HYDIN: variants seen among roughly 807,000 people sequenced by gnomAD.
HYDIN encodes axonemal central pair apparatus protein HYDIN.
A neutral mutation model predicts 403.9 loss-of-function variants in HYDIN; 132 were observed. The ratio of observed to expected loss-of-function variants is 0.33; its 90% CI spans 0.28 to 0.38. The LOEUF (loss-of-function observed/expected upper bound fraction) is 0.38. HYDIN is among the 10% of genes least tolerant of loss of function. The pLI, the probability that HYDIN is intolerant of heterozygous loss-of-function variation, is 1.00. For missense variants in HYDIN, 2,827 were observed against 5,009.5 expected (o/e 0.56, Z 13.15); for synonymous variants, 1,202 against 1,891.7 (o/e 0.64, Z 9.46).
intron 18 of HYDIN, among the ~76,000 whole-genome samples, chr16:71,046,620 T>C (rs1419629796): frequency 6.6e-6 from 1 of 152,230 alleles, no homozygotes; most frequent in Non-Finnish European, 1.5e-5. Flanking sequence ...ACTTCTTCAG[T>C]CTCTGTCCTT....
intron 1 of HYDIN, among the ~76,000 whole-genome samples, chr16:71,189,582 A>G (rs544361777): frequency 8.8e-4 from 134 of 152,206 alleles, no homozygotes; most frequent in Non-Finnish European, 1.5e-3. Context: ...CCTGGCTAAC[A>G]CAGTGAAACC....
At chr16:70,840,353 C>A (rs2037734055) in intron 75 of HYDIN, 120 bp from the exon 76 acceptor site, 1 of 762,616 alleles carries the variant, frequency 1.3e-6, no homozygotes, top group Non-Finnish European at 2.0e-6. Context: ...CTCAGGGTGC[C>A]ATTTCCAGAG....
intron 84 of HYDIN, among the ~76,000 whole-genome samples, chr16:70,810,537 T>C (rs1318412061): frequency 2.0e-5 from 3 of 152,214 alleles, no homozygotes; most frequent in Non-Finnish European, 2.9e-5. Flanking sequence ...CTAGAAAGGA[T>C]GAGGTAGAGC....
At chr16:71,084,754 T>C (rs1464616221) in intron 12 of HYDIN, among the ~76,000 whole-genome samples, 1 of 137,234 alleles carries the variant, frequency 7.3e-6, no homozygotes, top group Non-Finnish European at 1.5e-5. Context: ...TTGATCCATG[T>C]AGAGGCAGTT....
intron 54 of HYDIN, among the ~76,000 whole-genome samples, chr16:70,895,715 G>C (rs1251361620): frequency 4.0e-5 from 6 of 151,724 alleles, no homozygotes; most frequent in Non-Finnish European, 8.8e-5. Context: ...CAGGAAAGAG[G>C]AGAGGTGTTT....
chr16:71,028,213 GGAGAAGC>G (rs1014730592), intron 19 of HYDIN, among the ~76,000 whole-genome samples: 2 of 151,950 alleles, frequency 1.3e-5, no homozygotes, highest in Admixed American at 1.3e-4. Context: ...ACCTACTGAA[GGAGAAGC>G]GAGTTTCAAG....
At chr16:71,228,952 T>A (rs907495241) in intron 1 of HYDIN, among the ~76,000 whole-genome samples, 1 of 152,060 alleles carries the variant, frequency 6.6e-6, no homozygotes, top group African/African-American at 2.4e-5. Context: ...GTGGCACATA[T>A]ATACCATGGA....
In HYDIN at chr16:70,891,186, T is replaced by C. The variant is rs12051203; in HGVS notation, c.9656+460A>G. ...TCGTGTATAGTATTTAAAAAAAAAT[T>C]TTTTTATTTTTTATTTTTTTGAGAC... is the stretch of plus-strand genomic sequence containing the variant. On this transcript the variant is annotated intron_variant, in intron 57 of 85. Transcript: ENST00000393567. Among the ~76,000 whole-genome samples, 356 of 152,148 alleles carry C rather than the reference T, an allele frequency of 2.3e-3. 2 individuals are homozygous for C. Among genetic ancestry groups the C allele is most frequent in the African/African-American group, 8.1e-3 (338 of 41,496 alleles).
At chr16:70,951,276 GA>G (rs2078064154) in intron 41 of HYDIN, among the ~76,000 whole-genome samples, 1 of 150,286 alleles carries the variant, frequency 6.7e-6, no homozygotes, top group African/African-American at 2.5e-5. Context: ...GAGAGAGAGA[GA>G]GAGGGAGAGA....
At chr16:70,882,572 T>C (rs1056265560) in intron 60 of HYDIN, 88 bp downstream of exon 60, 23 of 664,648 alleles carry the variant, frequency 3.5e-5, no homozygotes, top group South Asian at 2.3e-4. Flanking sequence ...CACTCACGCA[T>C]ACAGGCTCCA....
intron 11 of HYDIN, among the ~76,000 whole-genome samples, chr16:71,092,200 GT>G (rs1184026983): frequency 1.3e-5 from 2 of 152,248 alleles, no homozygotes; most frequent in South Asian, 2.1e-4. Flanking sequence ...CTCTTTTACT[GT>G]GCAGACAGCT....
chr16:71,084,787 CT>C (rs146903022), intron 12 of HYDIN, among the ~76,000 whole-genome samples: 31,839 of 124,510 alleles, frequency 0.26, 3,375 homozygotes, highest in East Asian at 0.45. Context: ...TAGTTTGTTA[CT>C]TTTTTTTTTT....
At chr16:70,996,577 C>T (rs2079540465) in intron 23 of HYDIN, among the ~76,000 whole-genome samples, 2 of 152,128 alleles carry the variant, frequency 1.3e-5, no homozygotes, top group African/African-American at 2.4e-5. Flanking sequence ...CATAATGAGC[C>T]CCATGGTGCC....
Position 70,833,924 on chromosome 16 carries a change from G to A in HYDIN, c.13642C>T (p.Arg4548Cys), listed in dbSNP as rs201203817. The A allele has an allele frequency of 5.0e-6, 8 of 1,613,714 alleles. No homozygotes were observed. The highest frequency in any genetic ancestry group is 2.2e-5 in the East Asian group (1 of 44,858). The change falls in exon 79 of 86, where the codon CGC becomes TGC. Residue 4548 changes from arginine (R) to cysteine (C), a missense_variant. Coordinates refer to ENST00000393567, the MANE Select transcript of HYDIN (RefSeq NM_001270974.2). ...TCGCCTGTGTTCATCATGAGGATGC[G>A]ACGTGTGGCTTGCGTCTGATACACC... ...PVVYQTQATR[R>C]ILMMNTGDVG...
intron 78 of HYDIN, among the ~76,000 whole-genome samples, chr16:70,835,326 A>G (rs2037350735): frequency 6.6e-6 from 1 of 152,138 alleles, no homozygotes; most frequent in South Asian, 2.1e-4. Flanking sequence ...AGAGTCATGC[A>G]TGCACAAAGG....
intron 1 of HYDIN, among the ~76,000 whole-genome samples, chr16:71,212,681 G>T (rs2088660058): frequency 6.6e-6 from 1 of 152,220 alleles, no homozygotes; most frequent in Admixed American, 6.5e-5. Context: ...GACAAAAAAA[G>T]TAAACAAGTT....
In HYDIN at chr16:70,802,990, A is replaced by G. The variant is rs1022779963; in HGVS notation, c.*4590T>C. On this transcript the variant is annotated 3_prime_UTR_variant, in exon 86 of 86. Coordinates refer to ENST00000393567, the MANE Select transcript of HYDIN (RefSeq NM_001270974.2). ...TTGATGAAAAACACTGAAAAAATGT[A>G]AATCAATGGGAATGATTTGGTTCTA... 1 of 152,204 alleles carries G rather than the reference A, an allele frequency of 6.6e-6. No homozygotes were observed. Among genetic ancestry groups the G allele is most frequent in the African/African-American group, 2.4e-5 (1 of 41,450 alleles). 9.4% of individuals were successfully genotyped at this position (152,204 alleles called of 1,614,324 possible).
intron 83 of HYDIN, among the ~76,000 whole-genome samples, chr16:70,822,804 G>A (rs959796931): frequency 6.6e-5 from 10 of 151,792 alleles, no homozygotes; most frequent in African/African-American, 2.4e-4. Flanking sequence ...GGATTTTTAA[G>A]CAAATAAGTA....
At chr16:71,005,164 G>A (rs1022992114) in intron 23 of HYDIN, among the ~76,000 whole-genome samples, 2 of 152,108 alleles carry the variant, frequency 1.3e-5, no homozygotes, top group African/African-American at 4.8e-5. Flanking sequence ...TTAGTGCAGT[G>A]TTCTACATAT....
Sources: gnomAD v4.1 joint callset for allele counts (sites outside exome capture counted in the v4.1 genomes callset) on GRCh38, gnomAD v4.1.1 for gene constraint, MANE v1.5 for transcripts, NCBI Gene and HGNC (gene_info 2026-07-23, HGNC 2026-07-21) for gene names.